The following PLXNA2 variants were observed in gnomAD, a reference collection of about 807,000 sequenced individuals.
PLXNA2 encodes the protein plexin-A2.
Under a neutral mutation model 193.5 loss-of-function variants are expected in PLXNA2, and 91 were observed. That is an observed-to-expected ratio of 0.47 (90% CI 0.40 to 0.56). PLXNA2 has a LOEUF of 0.56. Among genes scored for constraint, PLXNA2 ranks in the 20% least tolerant of loss-of-function variants. The pLI is 0.00. For synonymous variants in PLXNA2, 997 were observed against 1,027.3 expected (o/e 0.97, Z 0.56); for missense variants, 1,995 against 2,503.2 (o/e 0.80, Z 4.33).
chr1:208,163,430 C>T (rs930100571), intron 3 of PLXNA2, among the ~76,000 whole-genome samples: 1 of 152,048 alleles, frequency 6.6e-6, no homozygotes, highest in African/African-American at 2.4e-5. Context: ...GATGAACAGA[C>T]AAGATTTGGC....
intron 4 of PLXNA2, among the ~76,000 whole-genome samples, chr1:208,125,068 C>T (rs1667931849): frequency 6.6e-6 from 1 of 152,170 alleles, no homozygotes; most frequent in African/African-American, 2.4e-5. Context: ...CATTATTAGA[C>T]CCAAATTCAC....
chr1:208,131,836 C>T (rs760949743), intron 4 of PLXNA2, among the ~76,000 whole-genome samples: 2 of 152,154 alleles, frequency 1.3e-5, no homozygotes, highest in African/African-American at 2.4e-5. Flanking sequence ...TGCATGGGCT[C>T]TCCTGGTGCT....
At chr1:208,122,191 G>A (rs923920650) in intron 4 of PLXNA2, among the ~76,000 whole-genome samples, 31 of 152,106 alleles carry the variant, frequency 2.0e-4, no homozygotes, top group Non-Finnish European at 2.4e-4. Context: ...ACCCATAAAC[G>A]GCTATAAATA....
chr1:208,179,945 G>A (rs1287586110), intron 3 of PLXNA2, among the ~76,000 whole-genome samples: 1 of 152,066 alleles, frequency 6.6e-6, no homozygotes, highest in Non-Finnish European at 1.5e-5. Flanking sequence ...TTCCCCAAAT[G>A]CTACAGCATT....
At chr1:208,100,727 G>C (rs528083650) in intron 5 of PLXNA2, among the ~76,000 whole-genome samples, 1 of 152,224 alleles carries the variant, frequency 6.6e-6, no homozygotes, top group Non-Finnish European at 1.5e-5. Flanking sequence ...AGACAGACAA[G>C]GCGCTGCAGC....
rs1671856633 is a variant in PLXNA2 at position 208,236,475 on chromosome 1, C to T, written c.-81+7168G>A. 6.6e-6 allele frequency among the ~76,000 whole-genome samples: 1 copy of T among 152,176 alleles called. No individual in the cohort carries two copies. ...GGCAGGGCTTTTCTACACACCCCTT[C>T]CTCTGCTCCTGAACCTTCCACCCTC... On this transcript the variant is annotated intron_variant, in intron 1 of 31. Transcript: ENST00000367033. The surrounding 1 kb of genome is among the most constrained non-coding windows in gnomAD (Gnocchi z 4.4).
intron 7 of PLXNA2, 135 bp from the exon 8 acceptor site, chr1:208,096,260 T>G: frequency 1.4e-6 from 1 of 691,896 alleles, no homozygotes; most frequent in South Asian, 1.7e-5. Flanking sequence ...GGAACCTGCC[T>G]GAATCGTCTC....
intron 4 of PLXNA2, among the ~76,000 whole-genome samples, chr1:208,116,636 C>T (rs1667646212): frequency 6.6e-6 from 1 of 152,164 alleles, no homozygotes; most frequent in South Asian, 2.1e-4. Flanking sequence ...AGCTCAGCCT[C>T]ACCACATACT....
At chr1:208,130,748 C>G (rs564471112) in intron 4 of PLXNA2, among the ~76,000 whole-genome samples, 1 of 152,290 alleles carries the variant, frequency 6.6e-6, no homozygotes, top group East Asian at 1.9e-4. Context: ...TGCCACCTCC[C>G]TCCCGCAACA....
At position 208,038,680 on chromosome 1, in the gene PLXNA2, A is replaced by G. The variant is rs958171993; in HGVS notation, c.4660+145T>C. 2 of 895,256 alleles carry G rather than the reference A, an allele frequency of 2.2e-6. No homozygotes were observed. Among genetic ancestry groups the G allele is most frequent in the Admixed American group, 2.2e-5 (1 of 45,514 alleles). 55.5% of individuals were successfully genotyped at this position (895,256 alleles called of 1,614,324 possible). On this transcript the variant is annotated intron_variant, in intron 25 of 31. Transcript: ENST00000367033. The surrounding 1 kb of genome is among the most constrained non-coding windows in gnomAD (Gnocchi z 4.1). Reference sequence around the variant, plus strand: ...TCCCCAGAGACAGCCACATCTGAACAGGCAGCGCTCAAAGCGGGAAGCATT... The same window carrying G: ...TCCCCAGAGACAGCCACATCTGAACGGGCAGCGCTCAAAGCGGGAAGCATT...
intron 3 of PLXNA2, among the ~76,000 whole-genome samples, chr1:208,179,648 A>G (rs184378114): frequency 1.1e-3 from 162 of 152,324 alleles, no homozygotes; most frequent in African/African-American, 3.8e-3. Flanking sequence ...TGGAGGCTCT[A>G]TTAGCCTCTC....
intron 4 of PLXNA2, among the ~76,000 whole-genome samples, chr1:208,125,304 C>CT (rs1417524530): frequency 6.6e-6 from 1 of 152,216 alleles, no homozygotes; most frequent in East Asian, 1.9e-4. Context: ...GTTTGGACTT[C>CT]CCATGGCTAC....
intron 28 of PLXNA2, chr1:208,031,984 A>G (rs1053058496): frequency 2.0e-6 from 2 of 985,132 alleles, no homozygotes; most frequent in African/African-American, 1.7e-5. Flanking sequence ...TCCAACCTGC[A>G]GCCACATTCC....
At chr1:208,192,233 C>A (rs933694639) in intron 3 of PLXNA2, among the ~76,000 whole-genome samples, 1 of 152,194 alleles carries the variant, frequency 6.6e-6, no homozygotes, top group Non-Finnish European at 1.5e-5. Context: ...GCTCCTCTGG[C>A]CCACCTCTGG....
intron 3 of PLXNA2, among the ~76,000 whole-genome samples, chr1:208,205,588 C>G (rs2102590595): frequency 1.3e-5 from 2 of 152,346 alleles, no homozygotes; most frequent in South Asian, 4.1e-4. Flanking sequence ...TGTCCTCCTT[C>G]ATCGCACGCT....
At chr1:208,171,572 C>T (rs1362325694) in intron 3 of PLXNA2, among the ~76,000 whole-genome samples, 1 of 152,186 alleles carries the variant, frequency 6.6e-6, no homozygotes, top group African/African-American at 2.4e-5. Flanking sequence ...GCTCATGCCT[C>T]ATCCCAACAC....
intron 3 of PLXNA2, among the ~76,000 whole-genome samples, chr1:208,168,350 T>G (rs1371198164): frequency 6.6e-6 from 1 of 152,146 alleles, no homozygotes; most frequent in Non-Finnish European, 1.5e-5. Flanking sequence ...ATACACACAT[T>G]CCAATTTAAA....
chr1:208,131,482 G>A (rs1033030033), intron 4 of PLXNA2, among the ~76,000 whole-genome samples: 2 of 152,146 alleles, frequency 1.3e-5, no homozygotes, highest in African/African-American at 4.8e-5. Context: ...TCAACGCAGG[G>A]AACACAAGGG....
At chr1:208,033,594 C>T (rs1664577154) in intron 27 of PLXNA2, 85 bp from the exon 28 acceptor site, 2 of 1,119,688 alleles carry the variant, frequency 1.8e-6, no homozygotes, top group Non-Finnish European at 2.5e-6. Context: ...TGCCCGCCTG[C>T]TGCATCCACT....
Sources: allele counts gnomAD v4.1 joint callset (sites outside exome capture counted in the v4.1 genomes callset), GRCh38; gene constraint gnomAD v4.1.1; non-coding constraint Gnocchi (gnomAD v3.1); transcripts MANE v1.5; gene names NCBI Gene and HGNC (gene_info 2026-07-23, HGNC 2026-07-21).